The following CTNNA3 variants were observed in gnomAD, a reference collection of about 807,000 sequenced individuals.
CTNNA3 encodes catenin alpha 3, also known as catenin alpha-3.
CTNNA3 carries 76 observed loss-of-function variants against 95.7 expected under a neutral mutation model. The ratio of observed to expected loss-of-function variants is 0.79; its 90% confidence interval spans 0.66 to 0.96. CTNNA3 has a LOEUF of 0.96. Ranked by LOEUF, CTNNA3 falls within the 40% of genes least tolerant of loss-of-function variation. CTNNA3 has a pLI of 0.00. For synonymous variants in CTNNA3, 431 were observed against 374.4 expected (o/e 1.15, Z -1.74); for missense variants, 1,191 against 1,089.8 (o/e 1.09, Z -1.31).
At chr10:66,865,503 T>C (rs1490402837) in intron 7 of CTNNA3, among the ~76,000 whole-genome samples, 1 of 152,114 alleles carries the variant, frequency 6.6e-6, no homozygotes, top group East Asian at 1.9e-4. Context: ...TCTCGATTCC[T>C]TGAAATAAAT....
intron 17 of CTNNA3, among the ~76,000 whole-genome samples, chr10:65,930,852 C>CA (rs1440378715): frequency 1.3e-5 from 2 of 152,130 alleles, no homozygotes; most frequent in Non-Finnish European, 2.9e-5. Flanking sequence ...CATCTCTATA[C>CA]AAATTCCAGT....
At chr10:66,071,219 A>G (rs2080427456) in intron 14 of CTNNA3, among the ~76,000 whole-genome samples, 1 of 152,180 alleles carries the variant, frequency 6.6e-6, no homozygotes, top group Admixed American at 6.6e-5. Flanking sequence ...AGTAAGTAGA[A>G]TATCTCTGAT....
chr10:66,090,103 C>A (rs926301186), intron 14 of CTNNA3, among the ~76,000 whole-genome samples: 1 of 151,982 alleles, frequency 6.6e-6, no homozygotes, highest in Non-Finnish European at 1.5e-5. Context: ...GACAACACAG[C>A]ACTTCTTTTC....
At chr10:67,580,037 G>C (rs1032593517) in intron 3 of CTNNA3, among the ~76,000 whole-genome samples, 5 of 152,112 alleles carry the variant, frequency 3.3e-5, no homozygotes, top group African/African-American at 1.2e-4. Flanking sequence ...TTCTTCTGCT[G>C]TGCGGAAGCT....
intron 3 of CTNNA3, among the ~76,000 whole-genome samples, chr10:67,596,357 T>G (rs1842932265): frequency 6.6e-6 from 1 of 152,166 alleles, no homozygotes; most frequent in African/African-American, 2.4e-5. Context: ...GGTGATGACC[T>G]TGAGTAGTAG....
At chr10:66,680,766 C>T (rs948849368) in intron 9 of CTNNA3, among the ~76,000 whole-genome samples, 1 of 152,136 alleles carries the variant, frequency 6.6e-6, no homozygotes, top group Non-Finnish European at 1.5e-5. Context: ...GGAATAGAAA[C>T]ACTTCCAAAC....
intron 1 of CTNNA3, among the ~76,000 whole-genome samples, chr10:67,674,927 T>C (rs1332295385): frequency 6.6e-6 from 1 of 152,110 alleles, no homozygotes; most frequent in Admixed American, 6.6e-5. Context: ...CCTTGAACAT[T>C]GTAACATCTG....
chr10:67,243,878 C>G (rs531106404), intron 5 of CTNNA3, among the ~76,000 whole-genome samples: 81 of 152,302 alleles, frequency 5.3e-4, no homozygotes, highest in African/African-American at 1.9e-3. Context: ...TTTGTTGACA[C>G]GTCTGTGTCT....
intron 7 of CTNNA3, among the ~76,000 whole-genome samples, chr10:66,874,629 G>A (rs1049229695): frequency 6.6e-6 from 1 of 152,242 alleles, no homozygotes; most frequent in Admixed American, 6.5e-5. Context: ...CAATTTCTCT[G>A]TTTAGAATTT....
intron 2 of CTNNA3, among the ~76,000 whole-genome samples, chr10:67,637,111 C>T (rs111326231): frequency 0.087 from 13,186 of 152,088 alleles, 1,311 homozygotes; most frequent in African/African-American, 0.24. Flanking sequence ...AGTTAAAAAC[C>T]TTGAAAAAAG....
At chr10:67,609,778 T>C (rs1419556193) in intron 2 of CTNNA3, among the ~76,000 whole-genome samples, 1 of 152,224 alleles carries the variant, frequency 6.6e-6, no homozygotes, top group Non-Finnish European at 1.5e-5. Context: ...AAATTGGTTA[T>C]AGGAATCTTT....
intron 8 of CTNNA3, among the ~76,000 whole-genome samples, chr10:66,770,295 C>A (rs1840036995): frequency 6.6e-6 from 1 of 152,166 alleles, no homozygotes; most frequent in South Asian, 2.1e-4. Flanking sequence ...AGCAAAGTAG[C>A]CTCTATCTTA....
rs141576639 is a variant in CTNNA3, at chr10:67,195,064, A to G, written c.844-14544T>C. Among the ~76,000 whole-genome samples the G allele has an allele frequency of 1.2e-3, 183 of 152,056 alleles. 1 individual carries two copies. Among genetic ancestry groups the G allele is most frequent in the South Asian group, 8.9e-3 (43 of 4,828 alleles). On this transcript the variant is annotated intron_variant, in intron 6 of 17. Coordinates refer to ENST00000433211, the MANE Select transcript of CTNNA3 (RefSeq NM_013266.4). ...AATGTGTCTGGAATATCTGGTGGCC[A>G]CTAACCAAAATCACTTAAAATTAGC... is the stretch of plus-strand genomic sequence containing the variant.
chr10:67,332,695 A>AT (rs1841842321), intron 5 of CTNNA3, among the ~76,000 whole-genome samples: 1 of 151,974 alleles, frequency 6.6e-6, no homozygotes, highest in Non-Finnish European at 1.5e-5. Flanking sequence ...TTCTTTACAC[A>AT]TTTTTTAAAA....
At chr10:66,479,691 T>C (rs1839447820) in intron 11 of CTNNA3, among the ~76,000 whole-genome samples, 1 of 152,036 alleles carries the variant, frequency 6.6e-6, no homozygotes, top group Non-Finnish European at 1.5e-5. Flanking sequence ...TACTATATTG[T>C]AAGTGTTGTG....
Position 66,653,368 on chromosome 10 carries a change from C to G in CTNNA3, c.1282-31584G>C, listed in dbSNP as rs1247649447. 2.1e-5 allele frequency among the ~76,000 whole-genome samples: 3 copies of G among 146,332 alleles called. 1 individual carries two copies. The highest frequency in any genetic ancestry group is 4.5e-5 in the Non-Finnish European group (3 of 66,958). On this transcript the variant is annotated intron_variant, in intron 9 of 17. Transcript: ENST00000433211. ...AAAACTATCCCATTTATAATAGCTA[C>G]AAAAGCAATAAAATACGCAGAAATA...
intron 5 of CTNNA3, among the ~76,000 whole-genome samples, chr10:67,462,925 G>A (rs1400510303): frequency 6.9e-6 from 1 of 144,874 alleles, no homozygotes; most frequent in African/African-American, 2.6e-5. Flanking sequence ...TTTTTTTTGA[G>A]ATGGAGTCTC....
intron 1 of CTNNA3, chr10:67,751,211 T>G: frequency 1.6e-6 from 2 of 1,282,754 alleles, no homozygotes; most frequent in Non-Finnish European, 2.3e-6. Flanking sequence ...TGGAGGACTA[T>G]CCCTTCGATG....
chr10:66,078,860 A>T (rs772096535), intron 14 of CTNNA3: 2 of 151,928 alleles, frequency 1.3e-5, no homozygotes, highest in Admixed American at 6.6e-5. Context: ...ATGCTCTCTA[A>T]AAGTCTATTT....
Sources: gnomAD v4.1 joint callset for allele counts (sites outside exome capture counted in the v4.1 genomes callset) on GRCh38, gnomAD v4.1.1 for gene constraint, MANE v1.5 for transcripts, NCBI Gene and HGNC (gene_info 2026-07-23, HGNC 2026-07-21) for gene names.